The following XIRP2 variants were observed in gnomAD, a reference collection of about 807,000 sequenced individuals.
XIRP2 encodes the protein xin actin binding repeat containing 2.
A neutral mutation model predicts 277.0 loss-of-function variants in XIRP2; 236 were observed. The observed-to-expected ratio is 0.85, with a 90% CI of 0.77 to 0.95. The LOEUF is 0.95. Among genes scored for constraint, XIRP2 ranks in the 40% least tolerant of loss-of-function variants. The pLI is 0.00. For synonymous variants in XIRP2, 1,490 were observed against 1,416.5 expected (o/e 1.05, Z -1.17); for missense variants, 4,640 against 4,157.5 (o/e 1.12, Z -3.19).
intron 1 of XIRP2, among the ~76,000 whole-genome samples, chr2:166,892,929 T>C (rs541021045): frequency 2.0e-5 from 3 of 149,222 alleles, no homozygotes. Flanking sequence ...TATGTATATA[T>C]GTGTATATGT....
chr2:167,006,492 T>C (rs775582613), intron 2 of XIRP2, among the ~76,000 whole-genome samples: 1 of 151,804 alleles, frequency 6.6e-6, no homozygotes, highest in East Asian at 1.9e-4. Context: ...ATGAGAAATA[T>C]TCTTCTCTGG....
intron 5 of XIRP2, among the ~76,000 whole-genome samples, chr2:167,230,947 A>C (rs188556844): frequency 1.3e-5 from 2 of 152,090 alleles, no homozygotes; most frequent in Non-Finnish European, 2.9e-5. Flanking sequence ...ATAACGCAAC[A>C]GTCCTACCAC....
rs1189043485 is a variant in XIRP2, at chr2:167,084,404, T to G, written c.409-51505T>G. On this transcript the variant is annotated intron_variant, in intron 2 of 10. Transcript: ENST00000409195. The stretch of plus-strand genomic sequence containing the variant: ...CAAGGATATTGGTCTAAAATTCTCT[T>G]TTTTGGTTGTGTCTCTGCCCGGCTT... 4.0e-5 allele frequency among the ~76,000 whole-genome samples: 6 copies of G among 151,848 alleles called. No individual in the cohort carries two copies. In the East Asian group the frequency reaches 5.8e-4, roughly 15 times the overall value.
intron 2 of XIRP2, among the ~76,000 whole-genome samples, chr2:167,034,485 G>C (rs2105509984): frequency 6.6e-6 from 1 of 150,768 alleles, no homozygotes; most frequent in African/African-American, 2.4e-5. Context: ...AAAAGATACA[G>C]AGTGGCTGAA....
chr2:167,213,879 G>T (rs951416679), intron 4 of XIRP2, among the ~76,000 whole-genome samples: 1 of 152,062 alleles, frequency 6.6e-6, no homozygotes, highest in Admixed American at 6.5e-5. Context: ...ATGAGCAGCT[G>T]CAGTAGCGTA....
intron 1 of XIRP2, among the ~76,000 whole-genome samples, chr2:166,900,183 T>C (rs529888525): frequency 6.6e-6 from 1 of 152,204 alleles, no homozygotes; most frequent in East Asian, 1.9e-4. Flanking sequence ...CTTTATATTC[T>C]ATGTTTTGTT....
chr2:167,246,179 A>G lies in XIRP2; in HGVS notation c.4787A>G (p.Gln1596Arg), dbSNP rs761103287. ...KLMNQASPEI[Q>R]KEEIIRADLR... ...ATGAACCAAGCATCTCCTGAGATAC[A>G]GAAAGAAGAAATTATCAGGGCTGAT... The change falls in exon 9 of 11, where the codon CAG (glutamine) becomes CGG (arginine). Residue 1596 changes from glutamine (Q) to arginine (R), a missense_variant. Transcript: ENST00000409195. The G allele has an allele frequency of 2.5e-6, 4 of 1,612,376 alleles. No homozygotes were observed. In the Admixed American group the frequency reaches 6.7e-5, roughly 27 times the overall value.
chr2:167,053,568 C>G (rs1185739336), intron 2 of XIRP2, among the ~76,000 whole-genome samples: 1 of 152,080 alleles, frequency 6.6e-6, no homozygotes, highest in Non-Finnish European at 1.5e-5. Context: ...TGTCAGAAAA[C>G]TAAGTGCAAA....
intron 2 of XIRP2, among the ~76,000 whole-genome samples, chr2:167,034,223 T>G (rs906199765): frequency 6.6e-6 from 1 of 152,116 alleles, no homozygotes; most frequent in African/African-American, 2.4e-5. Context: ...TTGTCATCAG[T>G]TTTTTAAAAA....
intron 3 of XIRP2, among the ~76,000 whole-genome samples, chr2:167,165,081 T>C (rs1692480466): frequency 6.6e-6 from 1 of 152,348 alleles, no homozygotes; most frequent in Non-Finnish European, 1.5e-5. Context: ...GAATGTCATA[T>C]AGTTGGAATC....
chr2:166,906,378 A>G (rs145458610), intron 2 of XIRP2, among the ~76,000 whole-genome samples: 54 of 152,194 alleles, frequency 3.5e-4, no homozygotes, highest in African/African-American at 1.3e-3. Context: ...AAACATACAC[A>G]TATACACATA....
chr2:167,253,777 GT>G (rs1339491893), intron 9 of XIRP2, among the ~76,000 whole-genome samples: 3 of 151,558 alleles, frequency 2.0e-5, no homozygotes, highest in African/African-American at 4.8e-5. Context: ...ACTCATGTAT[GT>G]TTTTTTAAAT....
intron 2 of XIRP2, among the ~76,000 whole-genome samples, chr2:167,039,113 GATATATAC>G (rs1432257393): frequency 6.6e-6 from 1 of 151,858 alleles, no homozygotes; most frequent in Non-Finnish European, 1.5e-5. Context: ...CAATTTAGAA[GATATATAC>G]ATACACATAG....
chr2:167,146,433 G>A (rs1361395194), intron 3 of XIRP2, among the ~76,000 whole-genome samples: 7 of 151,594 alleles, frequency 4.6e-5, no homozygotes, highest in South Asian at 2.1e-4. Context: ...TCCAAGAGGC[G>A]GAGGTTGCAG....
At chr2:167,130,331 C>A (rs536254425) in intron 2 of XIRP2, among the ~76,000 whole-genome samples, 9 of 152,174 alleles carry the variant, frequency 5.9e-5, no homozygotes, top group Non-Finnish European at 1.3e-4. Context: ...AATGGTTTCC[C>A]TCGTTTACAA....
intron 3 of XIRP2, among the ~76,000 whole-genome samples, chr2:167,174,276 C>T (rs982009872): frequency 5.9e-5 from 9 of 152,128 alleles, no homozygotes; most frequent in African/African-American, 1.9e-4. Flanking sequence ...CTATTAATTA[C>T]TGCCTCAATT....
chr2:167,259,504 G>T lies in XIRP2; in HGVS notation c.*1687G>T. ...AGAAATCTCGTGTCTATCTCAATGG[G>T]ATATTTCTTGTATTACACCTTGTCA... On this transcript the variant is annotated 3_prime_UTR_variant, in exon 11 of 11. Coordinates refer to ENST00000409195, the MANE Select transcript of XIRP2 (RefSeq NM_152381.6). 1 of 781,788 alleles carries T rather than the reference G, an allele frequency of 1.3e-6. No homozygotes were observed. The highest frequency in any genetic ancestry group is 1.9e-6 in the Non-Finnish European group (1 of 517,454). The allele number at this position is 781,788 out of a possible 1,614,324, so 48.4% of individuals were successfully genotyped here.
chr2:167,079,461 G>A (rs1689671157), intron 2 of XIRP2, among the ~76,000 whole-genome samples: 2 of 152,084 alleles, frequency 1.3e-5, no homozygotes, highest in Non-Finnish European at 2.9e-5. Context: ...TCCTTTGATT[G>A]GGGCCTTTTA....
In XIRP2 at chr2:167,251,425, G is replaced by T; in HGVS notation, c.10033G>T (p.Val3345Phe). ...GTTCAGGGAATTTGAGCATGGCCCA[G>T]TTTCTGAAGCAAAGTCAAATAGAAG... ...RWFREFEHGPVSEAKSNRRVY... is the reference protein window; with the variant it reads ...RWFREFEHGPFSEAKSNRRVY... Residue 3345 changes from valine to phenylalanine, a missense_variant, in exon 9 of 11, where the codon GTT becomes TTT. Val to Phe is a conservative substitution (Grantham distance 50). Transcript: ENST00000409195. The T allele has an allele frequency of 6.2e-7, 1 of 1,613,626 alleles. No individual in the cohort carries two copies.
Sources: gnomAD v4.1 joint callset for allele counts (sites outside exome capture counted in the v4.1 genomes callset) on GRCh38, gnomAD v4.1.1 for gene constraint, MANE v1.5 for transcripts, NCBI Gene and HGNC (gene_info 2026-07-23, HGNC 2026-07-21) for gene names.